GRM7: variants seen among roughly 807,000 people sequenced by gnomAD.
GRM7 encodes glutamate metabotropic receptor 7.
A neutral mutation model predicts 84.5 loss-of-function variants in GRM7; 35 were observed. That is an observed-to-expected ratio of 0.41 (90% CI 0.32 to 0.55). The LOEUF (loss-of-function observed/expected upper bound fraction) is 0.55. GRM7 is among the 20% of genes least tolerant of loss of function. The pLI, the probability that GRM7 is intolerant of heterozygous loss-of-function variation, is 0.19. For synonymous variants in GRM7, 487 were observed against 455.1 expected (o/e 1.07, Z -0.89); for missense variants, 1,003 against 1,194.6 (o/e 0.84, Z 2.36).
At chr3:7,636,743 G>A (rs1698111194) in intron 8 of GRM7, among the ~76,000 whole-genome samples, 1 of 152,152 alleles carries the variant, frequency 6.6e-6, no homozygotes, top group African/African-American at 2.4e-5. Context: ...AGTGTTTTGA[G>A]TGCTGGGTAA....
intron 8 of GRM7, among the ~76,000 whole-genome samples, chr3:7,640,058 A>T (rs1398918471): frequency 1.3e-5 from 2 of 152,152 alleles, no homozygotes; most frequent in Admixed American, 6.6e-5. Context: ...TTGTTTCCAC[A>T]TTTTATAAGA....
intron 7 of GRM7, among the ~76,000 whole-genome samples, chr3:7,513,156 T>A (rs1700268802): frequency 1.3e-5 from 2 of 152,102 alleles, no homozygotes; most frequent in African/African-American, 4.8e-5. Context: ...TCCCTATAAT[T>A]ATAGGCTGAA....
intron 8 of GRM7, among the ~76,000 whole-genome samples, chr3:7,596,261 A>G (rs1025559272): frequency 3.3e-4 from 1 of 3,072 alleles, no homozygotes; most frequent in Non-Finnish European, 5.6e-4. Flanking sequence ...GCAAGACTAG[A>G]GGAGAGGGAA....
chr3:7,069,253 G>A (rs1452037134), intron 1 of GRM7, among the ~76,000 whole-genome samples: 1 of 151,986 alleles, frequency 6.6e-6, no homozygotes, highest in Non-Finnish European at 1.5e-5. Context: ...GGCTGAAGGA[G>A]TAAGTGGAAC....
chr3:7,668,830 A>C (rs1219872695), intron 8 of GRM7, among the ~76,000 whole-genome samples: 4 of 152,264 alleles, frequency 2.6e-5, no homozygotes, highest in African/African-American at 9.6e-5. Flanking sequence ...CATCAAACAT[A>C]CATTGAACTT....
intron 4 of GRM7, among the ~76,000 whole-genome samples, chr3:7,334,267 C>T (rs1272054112): frequency 1.3e-5 from 2 of 152,016 alleles, no homozygotes; most frequent in Non-Finnish European, 2.9e-5. Context: ...GGCAGAAACC[C>T]TCCAAGCAGG....
chr3:7,482,396 G>C (rs1465075915), intron 7 of GRM7, among the ~76,000 whole-genome samples: 1 of 152,122 alleles, frequency 6.6e-6, no homozygotes, highest in Non-Finnish European at 1.5e-5. Flanking sequence ...TGTAGCTGCA[G>C]ATAGGAGGAA....
At chr3:7,315,368 C>T (rs750941660) in intron 4 of GRM7, among the ~76,000 whole-genome samples, 12 of 152,152 alleles carry the variant, frequency 7.9e-5, no homozygotes, top group Non-Finnish European at 1.5e-4. Flanking sequence ...CCTCATTTTT[C>T]AAAAGAACTC....
At chr3:6,933,948 A>C (rs1697597705) in intron 1 of GRM7, among the ~76,000 whole-genome samples, 1 of 152,178 alleles carries the variant, frequency 6.6e-6, no homozygotes. Context: ...AGGAACCAAC[A>C]GGATCAGGGT....
At chr3:7,652,909 C>T (rs1167191873) in intron 8 of GRM7, among the ~76,000 whole-genome samples, 2 of 152,152 alleles carry the variant, frequency 1.3e-5, no homozygotes, top group Admixed American at 6.6e-5. Context: ...TTCATCCTCA[C>T]CACAGGACAA....
intron 1 of GRM7, among the ~76,000 whole-genome samples, chr3:6,958,137 C>T (rs964659891): frequency 4.0e-5 from 6 of 151,754 alleles, no homozygotes; most frequent in Admixed American, 6.6e-5. Flanking sequence ...ATCAAAACAT[C>T]AAATTTACCA....
intron 1 of GRM7, among the ~76,000 whole-genome samples, chr3:6,978,814 G>A (rs1392224191): frequency 6.6e-6 from 1 of 152,150 alleles, no homozygotes; most frequent in African/African-American, 2.4e-5. Flanking sequence ...AGGGACATGT[G>A]TCTGCTCTTC....
In GRM7 at chr3:6,861,927, G is replaced by T. The variant is rs1386633342; in HGVS notation, c.519+20G>T. 1 of 1,589,128 alleles carries T rather than the reference G, an allele frequency of 6.3e-7. No homozygotes were observed. Among genetic ancestry groups the T allele is most frequent in the South Asian group, 1.1e-5 (1 of 88,116 alleles). ...TTCCAGGTAGGGATGCGCTCCCTCCGGGGCGGAGCACACAGTGGCTACCTG... is the reference window on the plus strand; with the variant it reads ...TTCCAGGTAGGGATGCGCTCCCTCCTGGGCGGAGCACACAGTGGCTACCTG... On this transcript the variant is annotated intron_variant, in intron 1 of 9. Coordinates refer to ENST00000357716, the MANE Select transcript of GRM7 (RefSeq NM_000844.4). This position sits in a 1 kb window ranked among gnomAD's most constrained non-coding sequence, Gnocchi z 6.4.
chr3:7,416,285 G>T (rs1466056020), intron 5 of GRM7, among the ~76,000 whole-genome samples: 1 of 152,116 alleles, frequency 6.6e-6, no homozygotes, highest in Admixed American at 6.6e-5. Context: ...CGGATGACAT[G>T]ATCTACCATC....
chr3:7,520,870 C>T (rs571349353), intron 7 of GRM7, among the ~76,000 whole-genome samples: 1 of 152,294 alleles, frequency 6.6e-6, no homozygotes, highest in South Asian at 2.1e-4. Context: ...GTGAAGGCAA[C>T]TCTAGTTTTC....
intron 7 of GRM7, among the ~76,000 whole-genome samples, chr3:7,536,439 G>A (rs1408751006): frequency 6.6e-6 from 1 of 152,118 alleles, no homozygotes; most frequent in Admixed American, 6.6e-5. Context: ...TAATTCTGGG[G>A]ACATGTGGAA....
intron 8 of GRM7, among the ~76,000 whole-genome samples, chr3:7,625,936 A>G (rs1319255630): frequency 6.6e-6 from 1 of 152,202 alleles, no homozygotes; most frequent in Non-Finnish European, 1.5e-5. Flanking sequence ...GAGTTAAAAG[A>G]GAACAACCAT....
At chr3:6,902,881 A>ACACACACACACACC (rs1210861394) in intron 1 of GRM7, among the ~76,000 whole-genome samples, 4 of 143,820 alleles carry the variant, frequency 2.8e-5, no homozygotes, top group Non-Finnish European at 6.1e-5. Context: ...ACACACACAC[A>ACACACACACACACC]CCCCTACTCT....
intron 8 of GRM7, among the ~76,000 whole-genome samples, chr3:7,649,616 TTGCGTGAGTTG>T (rs534845549): frequency 9.8e-4 from 149 of 152,286 alleles, no homozygotes; most frequent in Non-Finnish European, 1.8e-3. Context: ...CCTTGCTAAC[TTGCGTGAGTTG>T]ACTATTTTTA....
Sources: allele counts gnomAD v4.1 joint callset (sites outside exome capture counted in the v4.1 genomes callset), GRCh38; gene constraint gnomAD v4.1.1; non-coding constraint Gnocchi (gnomAD v3.1); transcripts MANE v1.5; gene names NCBI Gene and HGNC (gene_info 2026-07-23, HGNC 2026-07-21).